AK7: variants seen among roughly 807,000 people sequenced by gnomAD.
AK7 encodes adenylate kinase 7.
AK7 carries 78 observed loss-of-function variants against 96.6 expected under a neutral mutation model. The ratio of observed to expected loss-of-function variants is 0.81; its 90% confidence interval spans 0.67 to 0.97. The LOEUF (loss-of-function observed/expected upper bound fraction) is 0.97. AK7 is among the 50% of genes least tolerant of loss of function. The probability of loss-of-function intolerance (pLI) is 0.00; values close to 1 mark genes in which losing one functional copy is unlikely to be tolerated. For synonymous variants in AK7, 302 were observed against 317.2 expected (o/e 0.95, Z 0.51); for missense variants, 855 against 887.9 (o/e 0.96, Z 0.47).
At chr14:96,415,028 T>C (rs1891249792) in intron 4 of AK7, among the ~76,000 whole-genome samples, 1 of 152,048 alleles carries the variant, frequency 6.6e-6, no homozygotes, top group African/African-American at 2.4e-5. Flanking sequence ...GTACTGGGAT[T>C]ACAGGTGTGA....
At chr14:96,441,657 A>G (rs1028822057) in intron 6 of AK7, among the ~76,000 whole-genome samples, 3 of 151,320 alleles carry the variant, frequency 2.0e-5, no homozygotes, top group Non-Finnish European at 1.5e-5. Context: ...AAAAAAAAAA[A>G]AAAAAGAAAA....
chr14:96,404,805 AT>A lies in AK7; in HGVS notation c.345del (p.Ile116PhefsTer40). The A allele has an allele frequency of 6.2e-7, 1 of 1,610,584 alleles. No homozygotes were observed. The highest frequency in any genetic ancestry group is 8.5e-7 in the Non-Finnish European group (1 of 1,177,398). On this transcript the variant is annotated frameshift_variant, in exon 3 of 18. Coordinates refer to ENST00000267584, the MANE Select transcript of AK7 (RefSeq NM_152327.5). LOFTEE classifies it high-confidence loss of function. ...LLMRLLECDV[I>X]IYNITESSQQ... ...CATGCGCCTGCTGGAGTGTGATGTT[AT>A]TATTTATAACATCACTGAGAGCTCA...
intron 2 of AK7, among the ~76,000 whole-genome samples, chr14:96,401,286 C>T: frequency 6.6e-6 from 1 of 152,208 alleles, no homozygotes; most frequent in East Asian, 1.9e-4. Flanking sequence ...AAGGAATTCT[C>T]AGTCTTATCT....
chr14:96,488,306 C>G lies in AK7; in HGVS notation c.2135C>G (p.Ala712Gly), dbSNP rs1299392955. 2.5e-6 allele frequency: 4 copies of G among 1,610,946 alleles called. No individual in the cohort carries two copies. The highest frequency in any genetic ancestry group is 3.4e-6 in the Non-Finnish European group (4 of 1,177,568). Residue 712 changes from alanine to glycine, a missense_variant and splice_region_variant, in exon 18 of 18, where the codon GCA (alanine) becomes GGA (glycine). Ala to Gly is a moderately conservative substitution (Grantham distance 60). Coordinates refer to ENST00000267584, the MANE Select transcript of AK7 (RefSeq NM_152327.5). Reference protein sequence around the residue: ...VRPEDPVDFLAEYLFKNNPEA... With the variant: ...VRPEDPVDFLGEYLFKNNPEA... ...GACTTGTCTTTTTTTAAATTGTAGG[C>G]AGAATATCTCTTCAAGAACAATCCT...
At chr14:96,404,122 C>G (rs1168486338) in intron 2 of AK7, among the ~76,000 whole-genome samples, 1 of 99,620 alleles carries the variant, frequency 1.0e-5, no homozygotes, top group Non-Finnish European at 1.9e-5. Flanking sequence ...CCAGCCTGGG[C>G]AAAACAGAGT....
chr14:96,456,844 T>C, intron 11 of AK7: 1 of 217,612 alleles, frequency 4.6e-6, no homozygotes, highest in Non-Finnish European at 9.3e-6. Flanking sequence ...CATGCTGGTT[T>C]CTCCTGAGGA....
chr14:96,474,974 A>G (rs1269258541), intron 14 of AK7, among the ~76,000 whole-genome samples: 14 of 152,240 alleles, frequency 9.2e-5, no homozygotes, highest in Non-Finnish European at 2.1e-4. Context: ...GGGGGATTAA[A>G]TTAAAACTCA....
chr14:96,488,932 G>A lies in AK7; in HGVS notation c.*589G>A, dbSNP rs1441433829. 4.0e-5 allele frequency: 6 copies of A among 151,696 alleles called. No individual in the cohort carries two copies. Among genetic ancestry groups the A allele is most frequent in the African/African-American group, 1.2e-4 (5 of 41,266 alleles). The allele number at this position is 151,696 out of a possible 1,614,324, so 9.4% of individuals were successfully genotyped here. A position where few individuals can be genotyped will look rare whatever the true frequency, so the allele number is the denominator to read the frequency against. On this transcript the variant is annotated 3_prime_UTR_variant, in exon 18 of 18. Transcript: ENST00000267584. Reference sequence around the variant, plus strand: ...CGGAGAGAACTGTAAACCTTTAGGCGGAGAAATCTGCATAACAGGATAATT... The same window carrying A: ...CGGAGAGAACTGTAAACCTTTAGGCAGAGAAATCTGCATAACAGGATAATT...
rs768236744 is a variant in AK7 at position 96,420,947 on chromosome 14, G to C, written c.609+15G>C. 3 of 1,506,104 alleles carry C rather than the reference G, an allele frequency of 2.0e-6. No homozygotes were observed. Among genetic ancestry groups the C allele is most frequent in the Non-Finnish European group, 2.8e-6 (3 of 1,083,908 alleles). 93.3% of individuals were successfully genotyped at this position (1,506,104 alleles called of 1,614,324 possible). On this transcript the variant is annotated intron_variant, in intron 5 of 17. Coordinates refer to ENST00000267584, the MANE Select transcript of AK7 (RefSeq NM_152327.5). ...TTGGAAAAAAGGTAAGTCTGGCATA[G>C]TGGAACATGGACATCATCTGAAGTC...
At chr14:96,465,592 G>A (rs1270885439) in intron 12 of AK7, among the ~76,000 whole-genome samples, 1 of 152,144 alleles carries the variant, frequency 6.6e-6, no homozygotes, top group African/African-American at 2.4e-5. Flanking sequence ...ACTAAAAGTA[G>A]ATTAATGCCA....
chr14:96,473,979 C>T (rs949841065), intron 14 of AK7, among the ~76,000 whole-genome samples: 5 of 152,166 alleles, frequency 3.3e-5, no homozygotes, highest in Admixed American at 2.0e-4. Flanking sequence ...AGCAATTTAT[C>T]GTACACAACA....
Position 96,404,816 on chromosome 14 carries a change from C to T in AK7, c.354C>T (p.Asn118=), listed in dbSNP as rs565833761. The T allele has an allele frequency of 1.6e-5, 25 of 1,610,780 alleles. No individual in the cohort carries two copies. Among genetic ancestry groups the T allele is most frequent in the South Asian group, 1.4e-4 (13 of 90,788 alleles). The change falls in exon 3 of 18, where the codon AAC becomes AAT. Residue 118 remains asparagine (N), a synonymous_variant. Coordinates refer to ENST00000267584, the MANE Select transcript of AK7 (RefSeq NM_152327.5). ...RLLECDVIIY[N]ITESSQQMEE... ...TGGAGTGTGATGTTATTATTTATAA[C>T]ATCACTGAGAGCTCACAGCAAATGG...
chr14:96,459,838 C>T (rs1340387105), intron 12 of AK7, among the ~76,000 whole-genome samples: 2 of 151,854 alleles, frequency 1.3e-5, no homozygotes, highest in African/African-American at 4.8e-5. Context: ...GATCGCACCA[C>T]TGTACTCTAG....
chr14:96,446,490 A>T, intron 7 of AK7, 27 bp from the exon 8 acceptor site: 1 of 1,600,886 alleles, frequency 6.2e-7, no homozygotes. Flanking sequence ...TTTCCCTTTG[A>T]TGATTATTTT....
chr14:96,488,378 AAC>A lies in AK7; in HGVS notation c.*36_*37del, dbSNP rs754105918. The A allele has an allele frequency of 5.7e-6, 9 of 1,592,098 alleles. No individual in the cohort carries two copies. The South Asian group carries it at 8.9e-5, about 16-fold the overall frequency. ...GATCTGGTATTATCTACCTTTACAG[AAC>A]CACAGATCACTTATTATACTTTGAA... On this transcript the variant is annotated 3_prime_UTR_variant, in exon 18 of 18. Transcript: ENST00000267584.
At chr14:96,456,561 C>T in intron 11 of AK7, 86 bp downstream of exon 11, 1 of 1,474,180 alleles carries the variant, frequency 6.8e-7, no homozygotes. Context: ...TTCGAATTAG[C>T]CAGCTGGATG....
At chr14:96,479,542 G>A (rs561719284) in intron 15 of AK7, among the ~76,000 whole-genome samples, 6 of 151,876 alleles carry the variant, frequency 4.0e-5, no homozygotes, top group Admixed American at 2.0e-4. Flanking sequence ...GCCCATCCCC[G>A]TAGCTACCCA....
chr14:96,415,431 C>T (rs1257684944), intron 4 of AK7, among the ~76,000 whole-genome samples: 1 of 152,178 alleles, frequency 6.6e-6, no homozygotes, highest in Non-Finnish European at 1.5e-5. Flanking sequence ...CCCTGCATCA[C>T]ATCTTTTGCC....
intron 1 of AK7, among the ~76,000 whole-genome samples, chr14:96,396,735 A>G (rs1455489100): frequency 6.6e-6 from 1 of 152,256 alleles, no homozygotes; most frequent in African/African-American, 2.4e-5. Context: ...CATATAAACG[A>G]ATGAAACTCT....
Sources: gnomAD v4.1 joint callset for allele counts (sites outside exome capture counted in the v4.1 genomes callset) on GRCh38, gnomAD v4.1.1 for gene constraint, MANE v1.5 for transcripts, NCBI Gene and HGNC (gene_info 2026-07-23, HGNC 2026-07-21) for gene names.